Variants in EIPR1 observed in about 807,000 individuals in gnomAD.
The protein encoded by EIPR1 is EARP and GARP complex-interacting protein 1.
A neutral mutation model predicts 48.1 loss-of-function variants in EIPR1; 25 were observed. The ratio of observed to expected loss-of-function variants is 0.52; its 90% CI spans 0.38 to 0.73. The LOEUF (loss-of-function observed/expected upper bound fraction) is 0.73, where lower values mean the gene tolerates loss of function less well. EIPR1 is among the 30% of genes least tolerant of loss of function. The pLI, the probability that EIPR1 is intolerant of heterozygous loss-of-function variation, is 0.00. For missense variants in EIPR1, 415 were observed against 506.2 expected (o/e 0.82, Z 1.73); for synonymous variants, 204 against 201.9 (o/e 1.01, Z -0.09).
intron 3 of EIPR1, among the ~76,000 whole-genome samples, chr2:3,317,298 G>A (rs1035616614): frequency 2.6e-5 from 4 of 151,460 alleles, no homozygotes; most frequent in Admixed American, 6.6e-5. Flanking sequence ...AGGAGCGCAC[G>A]AGGTGCTGAC....
intron 4 of EIPR1, among the ~76,000 whole-genome samples, chr2:3,232,080 A>G (rs948226089): frequency 1.3e-5 from 2 of 151,800 alleles, no homozygotes; most frequent in African/African-American, 2.4e-5. Flanking sequence ...TGTTTCCTCT[A>G]TTTCTTCTAG....
rs562472064 is a variant in EIPR1, at chr2:3,373,325, C to T, written c.42+4323G>A. On this transcript the variant is annotated intron_variant, in intron 1 of 8. Transcript: ENST00000382125. ...ATTCCCTTTGAAAACTGGCACAAGA[C>T]AGGGATGCCCTCTCTCACCACTCCT... Among the ~76,000 whole-genome samples, 67 of 151,924 alleles carry T rather than the reference C, an allele frequency of 4.4e-4. 1 individual carries two copies. The East Asian group carries it at 0.012, about 28-fold the overall frequency.
chr2:3,370,814 G>A (rs1301378235), intron 1 of EIPR1, among the ~76,000 whole-genome samples: 1 of 152,188 alleles, frequency 6.6e-6, no homozygotes, highest in East Asian at 1.9e-4. Context: ...AAAACACTCT[G>A]CAGGATATTA....
intron 3 of EIPR1, among the ~76,000 whole-genome samples, chr2:3,323,906 C>T (rs1376042522): frequency 2.6e-5 from 4 of 152,174 alleles, no homozygotes; most frequent in Admixed American, 1.3e-4. Context: ...AGGGGTGCTC[C>T]GCTGCTGCCG....
Position 3,274,701 on chromosome 2 carries a change from A to G in EIPR1, c.260-17246T>C, listed in dbSNP as rs1485169132. 2.0e-5 allele frequency among the ~76,000 whole-genome samples: 3 copies of G among 152,164 alleles called. No individual in the cohort carries two copies. The East Asian group carries it at 5.8e-4, about 29-fold the overall frequency. On this transcript the variant is annotated intron_variant, in intron 3 of 8. Coordinates refer to ENST00000382125, the MANE Select transcript of EIPR1 (RefSeq NM_003310.5). ...TAGAAAACATCTAAATATGTGTGAC[A>G]CTAATGATAATAACAATATTTACTT...
At chr2:3,202,466 C>A (rs566453995) in intron 5 of EIPR1, among the ~76,000 whole-genome samples, 50 of 152,330 alleles carry the variant, frequency 3.3e-4, no homozygotes, top group Non-Finnish European at 6.0e-4. Flanking sequence ...TCTAACTAAT[C>A]GATACTGTGT....
chr2:3,245,275 C>T (rs962991859), intron 4 of EIPR1, among the ~76,000 whole-genome samples: 11 of 152,056 alleles, frequency 7.2e-5, no homozygotes, highest in South Asian at 4.1e-4. Context: ...TGCAGTGGAG[C>T]GATCTGGGAT....
At chr2:3,311,422 G>T (rs1343376418) in intron 3 of EIPR1, among the ~76,000 whole-genome samples, 1 of 152,054 alleles carries the variant, frequency 6.6e-6, no homozygotes, top group Non-Finnish European at 1.5e-5. Flanking sequence ...ATGGGGGTGA[G>T]GGGGCAGCTA....
At chr2:3,333,142 G>T (rs1490207444) in intron 3 of EIPR1, among the ~76,000 whole-genome samples, 1 of 152,168 alleles carries the variant, frequency 6.6e-6, no homozygotes, top group African/African-American at 2.4e-5. Context: ...TACAGAGAAA[G>T]GGTTTCTCGC....
At chr2:3,337,975 G>T (rs746172797) in intron 3 of EIPR1, 42 bp downstream of exon 3, 2 of 1,561,692 alleles carry the variant, frequency 1.3e-6, no homozygotes. Flanking sequence ...AATACCTCCA[G>T]TTACCTCCAG....
At chr2:3,219,020 T>G (rs1391504250) in intron 4 of EIPR1, among the ~76,000 whole-genome samples, 1 of 150,988 alleles carries the variant, frequency 6.6e-6, no homozygotes, top group Non-Finnish European at 1.5e-5. Context: ...AACACGACCC[T>G]GGTATACTCT....
At position 3,377,790 on chromosome 2, in the gene EIPR1, T is replaced by C. The variant is rs114256532; in HGVS notation, c.-101A>G. On this transcript the variant is annotated 5_prime_UTR_variant, in exon 1 of 9. Coordinates refer to ENST00000382125, the MANE Select transcript of EIPR1 (RefSeq NM_003310.5). ...GGGCGTGTTCCCAGCGCCCATTCAT[T>C]CCCTCCCCGCAGCAAACGACTCCAA... The C allele has an allele frequency of 7.6e-3, 9,471 of 1,249,322 alleles. 42 individuals are homozygous for C. The highest frequency in any genetic ancestry group is 0.023 in the Middle Eastern group (98 of 4,218). 77.4% of individuals were successfully genotyped at this position (1,249,322 alleles called of 1,614,324 possible). A position where few individuals can be genotyped will look rare whatever the true frequency, so the allele number is the denominator to read the frequency against.
intron 1 of EIPR1, among the ~76,000 whole-genome samples, chr2:3,367,630 T>C (rs1671006052): frequency 6.6e-6 from 1 of 152,226 alleles, no homozygotes; most frequent in Admixed American, 6.5e-5. Context: ...AGTGGAATTC[T>C]TTCTAAGGAT....
At chr2:3,293,325 T>C (rs1668425334) in intron 3 of EIPR1, among the ~76,000 whole-genome samples, 1 of 152,040 alleles carries the variant, frequency 6.6e-6, no homozygotes, top group South Asian at 2.1e-4. Context: ...AGGAGGCCCT[T>C]GGAAGACTTC....
At chr2:3,263,346 T>C (rs944994138) in intron 3 of EIPR1, among the ~76,000 whole-genome samples, 1 of 152,188 alleles carries the variant, frequency 6.6e-6, no homozygotes, top group African/African-American at 2.4e-5. Flanking sequence ...CAGTATTGCA[T>C]GTGGCAAGGT....
chr2:3,284,175 T>C (rs374643177), intron 3 of EIPR1, among the ~76,000 whole-genome samples: 1,250 of 52,862 alleles, frequency 0.024, 1 homozygote, highest in Middle Eastern at 0.081. Context: ...CAGAAGGCCG[T>C]GCCACGGCTG....
chr2:3,266,773 C>T lies in EIPR1; in HGVS notation c.260-9318G>A, dbSNP rs182106343. On this transcript the variant is annotated intron_variant, in intron 3 of 8. Transcript: ENST00000382125. ...TGATGTGCCAATCAGAGCAGTCTAG[C>T]CCAGATGGAGCTGCAGCAGAGGCCA... 1.2e-3 allele frequency among the ~76,000 whole-genome samples: 182 copies of T among 152,308 alleles called. 1 individual carries two copies. The highest frequency in any genetic ancestry group is 4.2e-3 in the African/African-American group (173 of 41,574).
Position 3,194,168 on chromosome 2 carries a change from T to C in EIPR1, c.654-2A>G, listed in dbSNP as rs1458687877. 3 of 1,613,228 alleles carry C rather than the reference T, an allele frequency of 1.9e-6. No homozygotes were observed. Among genetic ancestry groups the C allele is most frequent in the Non-Finnish European group, 2.5e-6 (3 of 1,179,554 alleles). ...GCATTCTCTATGCAGTAGATCTGGC[T>C]GAGGGAGAAGGAAGAACAGCAAAGG... On this transcript the variant is annotated splice_acceptor_variant, in intron 6 of 8. Transcript: ENST00000382125. LOFTEE classifies it high-confidence loss of function.
In EIPR1 at chr2:3,298,975, G is replaced by T. The variant is rs537069898; in HGVS notation, c.259+39042C>A. The stretch of plus-strand genomic sequence containing the variant: ...TCCTGCTCACTGCGCTCAGATCTTT[G>T]CCCTGGGATCAGAAAGAGAAGGTCC... On this transcript the variant is annotated intron_variant, in intron 3 of 8. Coordinates refer to ENST00000382125, the MANE Select transcript of EIPR1 (RefSeq NM_003310.5). Among the ~76,000 whole-genome samples, 152 of 152,208 alleles carry T rather than the reference G, an allele frequency of 1.0e-3. No homozygotes were observed. The South Asian group carries it at 0.014, about 14-fold the overall frequency.
Sources: gnomAD v4.1 joint callset for allele counts (sites outside exome capture counted in the v4.1 genomes callset) on GRCh38, gnomAD v4.1.1 for gene constraint, MANE v1.5 for transcripts, NCBI Gene and HGNC (gene_info 2026-07-23, HGNC 2026-07-21) for gene names.